ZDHHC3: variants seen among roughly 807,000 people sequenced by gnomAD.
ZDHHC3 encodes zDHHC palmitoyltransferase 3.
Under a neutral mutation model 30.6 loss-of-function variants are expected in ZDHHC3, and 9 were observed. The observed-to-expected ratio is 0.29, with a 90% CI of 0.18 to 0.51. The LOEUF is 0.51. ZDHHC3 is among the 20% of genes least tolerant of loss of function. ZDHHC3 has a pLI of 0.97. For synonymous variants in ZDHHC3, 136 were observed against 140.2 expected, an observed-to-expected ratio of 0.97 and a Z score of 0.21; for missense variants, 246 against 384.2, an observed-to-expected ratio of 0.64 and a Z score of 3.01.
chr3:44,940,666 A>C (rs1364534503), intron 3 of ZDHHC3, among the ~76,000 whole-genome samples: 1 of 152,192 alleles, frequency 6.6e-6, no homozygotes, highest in Non-Finnish European at 1.5e-5. Flanking sequence ...TCACTGTAGA[A>C]GAAGGCAGAT....
chr3:44,947,477 G>C (rs2125874537), intron 2 of ZDHHC3, among the ~76,000 whole-genome samples: 1 of 152,280 alleles, frequency 6.6e-6, no homozygotes, highest in Middle Eastern at 3.4e-3. Flanking sequence ...AGTGAGGCAG[G>C]ACTCATCTTA....
At position 44,916,190 on chromosome 3, in the gene ZDHHC3, C is replaced by T. The variant is rs1198721365; in HGVS notation, c.*10499G>A. 6.6e-6 allele frequency: 1 copy of T among 152,236 alleles called. No individual in the cohort carries two copies. Among genetic ancestry groups the T allele is most frequent in the African/African-American group, 2.4e-5 (1 of 41,454 alleles). 9.4% of individuals were successfully genotyped at this position (152,236 alleles called of 1,614,324 possible). A position where few individuals can be genotyped will look rare whatever the true frequency, so the allele number is the denominator to read the frequency against. On this transcript the variant is annotated 3_prime_UTR_variant, in exon 7 of 7. Transcript: ENST00000424952. ...TCCCACCATCACCCCTCTCGTGGGT[C>T]ATAGTTGGAGAGCTCTGGCAAGGGT...
rs1700419846 is a variant in ZDHHC3 at position 44,919,139 on chromosome 3, C to G, written c.*7550G>C. 1 of 969,238 alleles carries G rather than the reference C, an allele frequency of 1.0e-6. No individual in the cohort carries two copies. Among genetic ancestry groups the G allele is most frequent in the African/African-American group, 1.8e-5 (1 of 56,792 alleles). The allele number at this position is 969,238 out of a possible 1,614,324, so 60.0% of individuals were successfully genotyped here. The stretch of plus-strand genomic sequence containing the variant: ...AAAAATTGGATCTCAAAAGTATATC[C>G]TCATAAGATACTTATCAATTACAAA... On this transcript the variant is annotated 3_prime_UTR_variant, in exon 7 of 7. Transcript: ENST00000424952.
chr3:44,958,713 A>C (rs1317255470), intron 2 of ZDHHC3: 9 of 1,524,790 alleles, frequency 5.9e-6, no homozygotes, highest in Non-Finnish European at 7.9e-6. Context: ...TTTAATTTCA[A>C]GTCCACCTAG....
rs1700465118 is a variant in ZDHHC3 at position 44,919,740 on chromosome 3, T to C, written c.*6949A>G. 2 of 362,488 alleles carry C rather than the reference T, an allele frequency of 5.5e-6. No homozygotes were observed. The highest frequency in any genetic ancestry group is 6.5e-5 in the Admixed American group (1 of 15,486). 22.5% of individuals were successfully genotyped at this position (362,488 alleles called of 1,614,324 possible). A position where few individuals can be genotyped will look rare whatever the true frequency, so the allele number is the denominator to read the frequency against. On this transcript the variant is annotated 3_prime_UTR_variant, in exon 7 of 7. Transcript: ENST00000424952. ...CAATGTCCAGGGTTTTATATTTGTA[T>C]TATGGTTGTATAAAATGTTTACCTT...
At chr3:44,942,200 G>T (rs183140061) in intron 3 of ZDHHC3, among the ~76,000 whole-genome samples, 2 of 152,392 alleles carry the variant, frequency 1.3e-5, no homozygotes, top group Non-Finnish European at 2.9e-5. Context: ...AGCGGGCAAG[G>T]TCGACATCAA....
chr3:44,968,291 C>G (rs974618602), intron 1 of ZDHHC3, among the ~76,000 whole-genome samples: 1 of 152,056 alleles, frequency 6.6e-6, no homozygotes, highest in Non-Finnish European at 1.5e-5. Context: ...GGACTAGGAT[C>G]TCTAATCTCT....
chr3:44,969,033 G>T (rs1705189734), intron 1 of ZDHHC3, among the ~76,000 whole-genome samples: 1 of 152,178 alleles, frequency 6.6e-6, no homozygotes, highest in South Asian at 2.1e-4. Context: ...ACTTCTCCTT[G>T]CAGGAAGTTT....
intron 3 of ZDHHC3, 89 bp downstream of exon 3, chr3:44,945,079 T>C (rs1559687077): frequency 2.5e-6 from 4 of 1,580,210 alleles, no homozygotes; most frequent in African/African-American, 1.3e-5. Context: ...GTTGGGGAAG[T>C]GTGTGCTACT....
rs1700676835 is a variant in ZDHHC3 at position 44,922,620 on chromosome 3, C to T, written c.*4069G>A. On this transcript the variant is annotated 3_prime_UTR_variant, in exon 7 of 7. Transcript: ENST00000424952. ...CAGCAGCACACAAGACCCATATCAC[C>T]AGCAGGCATCAGGGACCACCTGAGG... 1.0e-6 allele frequency: 1 copy of T among 985,216 alleles called. No homozygotes were observed. Among genetic ancestry groups the T allele is most frequent in the East Asian group, 1.1e-4 (1 of 8,806 alleles). 61.0% of individuals were successfully genotyped at this position (985,216 alleles called of 1,614,324 possible). A position where few individuals can be genotyped will look rare whatever the true frequency, so the allele number is the denominator to read the frequency against.
At chr3:44,927,643 G>A (rs529118601) in intron 6 of ZDHHC3, among the ~76,000 whole-genome samples, 61 of 152,372 alleles carry the variant, frequency 4.0e-4, no homozygotes, top group African/African-American at 1.3e-3. Flanking sequence ...CGGAGCCAGC[G>A]CTGCTTCCCC....
chr3:44,932,188 G>T (rs62242619), intron 5 of ZDHHC3, among the ~76,000 whole-genome samples: 31,941 of 151,962 alleles, frequency 0.21, 4,954 homozygotes, highest in East Asian at 0.77. Flanking sequence ...TGCTCACCAA[G>T]TGATCAGGAA....
At chr3:44,927,327 C>T (rs1023993067) in intron 6 of ZDHHC3, among the ~76,000 whole-genome samples, 3 of 152,164 alleles carry the variant, frequency 2.0e-5, no homozygotes, top group African/African-American at 7.2e-5. Flanking sequence ...AAGTTTGAAG[C>T]TACCATGACC....
chr3:44,975,871 C>T, intron 1 of ZDHHC3, 62 bp downstream of exon 1: 1 of 184,206 alleles, frequency 5.4e-6, no homozygotes, highest in Non-Finnish European at 1.1e-5. Context: ...AGTCCCCCGG[C>T]CCGTGAGGCT....
Position 44,926,533 on chromosome 3 carries a change from T to C in ZDHHC3, c.*156A>G. 7.9e-7 allele frequency: 1 copy of C among 1,260,480 alleles called. No individual in the cohort carries two copies. The highest frequency in any genetic ancestry group is 3.1e-5 in the East Asian group (1 of 32,294). The allele number at this position is 1,260,480 out of a possible 1,614,324, so 78.1% of individuals were successfully genotyped here. On this transcript the variant is annotated 3_prime_UTR_variant, in exon 7 of 7. Coordinates refer to ENST00000424952, the MANE Select transcript of ZDHHC3 (RefSeq NM_001135179.2). ...AAAAAATAAAATGTGGGGACTTTTT[T>C]TTTTCTCTGCAATGCTCAGCCATTT... is the stretch of plus-strand genomic sequence containing the variant.
intron 2 of ZDHHC3, among the ~76,000 whole-genome samples, chr3:44,953,732 G>A (rs183883081): frequency 1.3e-5 from 2 of 152,292 alleles, no homozygotes; most frequent in Admixed American, 1.3e-4. Context: ...TCCCTCTGAA[G>A]CCAGAAAGCT....
At chr3:44,934,861 T>C (rs1031085384) in intron 3 of ZDHHC3, among the ~76,000 whole-genome samples, 3 of 123,448 alleles carry the variant, frequency 2.4e-5, no homozygotes, top group Admixed American at 2.2e-4. Flanking sequence ...CACTGCACCC[T>C]AGCCTGGACA....
chr3:44,957,352 C>T lies in ZDHHC3; in HGVS notation c.306+1779G>A, dbSNP rs145986705. Among the ~76,000 whole-genome samples the T allele has an allele frequency of 1.0e-3, 157 of 152,354 alleles. 2 individuals are homozygous for T. Among genetic ancestry groups the T allele is most frequent in the Middle Eastern group, 3.4e-3 (1 of 294 alleles). ...CTGTAGCCATTGCTCAGAAAGCAAT[C>T]TCTCACAGAATGGGCACTCAGGAAA... On this transcript the variant is annotated intron_variant, in intron 2 of 6. Transcript: ENST00000424952.
intron 2 of ZDHHC3, among the ~76,000 whole-genome samples, chr3:44,955,212 T>G (rs1703824712): frequency 6.6e-6 from 1 of 152,162 alleles, no homozygotes; most frequent in African/African-American, 2.4e-5. Flanking sequence ...GACCTGTCCC[T>G]TTTGCCCTAT....
Sources: allele counts gnomAD v4.1 joint callset (sites outside exome capture counted in the v4.1 genomes callset), GRCh38; gene constraint gnomAD v4.1.1; transcripts MANE v1.5; gene names NCBI Gene and HGNC (gene_info 2026-07-23, HGNC 2026-07-21).